The following CKAP2 variants were observed in gnomAD, a reference collection of about 807,000 sequenced individuals.
The protein encoded by CKAP2 is cytoskeleton-associated protein 2.
CKAP2 carries 46 observed loss-of-function variants against 58.4 expected under a neutral mutation model. The observed-to-expected ratio is 0.79, with a 90% CI of 0.62 to 1.01. The LOEUF is 1.01. Ranked by LOEUF, CKAP2 falls within the 50% of genes least tolerant of loss-of-function variation. CKAP2 has a pLI of 0.00. For synonymous variants in CKAP2, 293 were observed against 280.9 expected, an observed-to-expected ratio of 1.04 and a Z score of -0.43; for missense variants, 809 against 796.4, an observed-to-expected ratio of 1.02 and a Z score of -0.19.
intron 7 of CKAP2, among the ~76,000 whole-genome samples, chr13:52,471,251 A>G (rs537711429): frequency 6.6e-6 from 1 of 152,322 alleles, no homozygotes; most frequent in South Asian, 2.1e-4. Context: ...AAGATCTCTC[A>G]TAATTCTATT....
chr13:52,474,251 C>T (rs994015834), intron 8 of CKAP2, among the ~76,000 whole-genome samples, 167 bp downstream of exon 8: 3 of 151,982 alleles, frequency 2.0e-5, no homozygotes, highest in Non-Finnish European at 2.9e-5. Flanking sequence ...TTTGGGAGGC[C>T]GAAGCAGACA....
chr13:52,463,381 G>A (rs1437072600), intron 5 of CKAP2, among the ~76,000 whole-genome samples: 1 of 152,184 alleles, frequency 6.6e-6, no homozygotes, highest in Non-Finnish European at 1.5e-5. Context: ...GGACAGTCTG[G>A]TTGTTTGGCA....
rs1438819970 is a variant in CKAP2, at chr13:52,461,707, C to T, written c.881C>T (p.Thr294Ile). The change falls in exon 4 of 9, where the codon ACA becomes ATA. Residue 294 changes from threonine to isoleucine, a missense_variant. Thr to Ile is a moderately conservative substitution (Grantham distance 89). This residue lies in a region of CKAP2 where 523 missense variants were observed against 492.4 expected (regional missense o/e 1.06). Coordinates refer to ENST00000258607, the MANE Select transcript of CKAP2 (RefSeq NM_018204.5). ...PHEKELLQSK[T>I]ALSSVKTSSS... is the part of the protein sequence containing the mutation. ...GAAAAAGAACTATTACAATCAAAAA[C>T]AGCTTTATCTAGTGTCAAAACCAGT... 1 of 1,613,736 alleles carries T rather than the reference C, an allele frequency of 6.2e-7. No homozygotes were observed. The highest frequency in any genetic ancestry group is 8.5e-7 in the Non-Finnish European group (1 of 1,179,894).
chr13:52,458,434 T>G (rs768156342), intron 2 of CKAP2, among the ~76,000 whole-genome samples: 10 of 152,204 alleles, frequency 6.6e-5, no homozygotes, highest in Non-Finnish European at 1.3e-4. Flanking sequence ...ATAATATGGA[T>G]TCAGACAGTG....
intron 5 of CKAP2, among the ~76,000 whole-genome samples, 192 bp from the exon 6 acceptor site, chr13:52,465,103 A>C (rs909102048): frequency 2.6e-5 from 4 of 152,188 alleles, no homozygotes; most frequent in African/African-American, 9.6e-5. Context: ...GGAATCCCAC[A>C]ATATATATGA....
chr13:52,456,139 G>A (rs1958475978), intron 1 of CKAP2: 3 of 1,026,750 alleles, frequency 2.9e-6, no homozygotes, highest in Non-Finnish European at 3.5e-6. Flanking sequence ...TTCTACACAC[G>A]GGAAAGCAGA....
intron 6 of CKAP2, chr13:52,465,912 TATAC>T: frequency 3.0e-6 from 1 of 332,950 alleles, no homozygotes; most frequent in South Asian, 2.5e-5. Flanking sequence ...TATGTATATA[TATAC>T]ACACATATAT....
Position 52,462,245 on chromosome 13 carries a change from G to C in CKAP2, c.1101-118G>C, listed in dbSNP as rs1186168048. The C allele has an allele frequency of 6.0e-6, 5 of 827,784 alleles. No individual in the cohort carries two copies. In the African/African-American group the frequency reaches 8.7e-5, roughly 14 times the overall value. 51.3% of individuals were successfully genotyped at this position (827,784 alleles called of 1,614,324 possible). A position where few individuals can be genotyped will look rare whatever the true frequency, so the allele number is the denominator to read the frequency against. ...ATGTTTAATATTTCTTCAAGCTTGT[G>C]AACTATATATGCCATTAAAGTAAGA... is the stretch of plus-strand genomic sequence containing the variant. On this transcript the variant is annotated intron_variant, in intron 4 of 8. Coordinates refer to ENST00000258607, the MANE Select transcript of CKAP2 (RefSeq NM_018204.5).
At chr13:52,469,693 T>C (rs1311493479) in intron 7 of CKAP2, among the ~76,000 whole-genome samples, 1 of 149,360 alleles carries the variant, frequency 6.7e-6, no homozygotes, top group African/African-American at 2.5e-5. Flanking sequence ...GCCTCCCGGG[T>C]TCACGCCATT....
chr13:52,474,157 G>A, intron 8 of CKAP2, 73 bp downstream of exon 8: 1 of 1,410,338 alleles, frequency 7.1e-7, no homozygotes, highest in Non-Finnish European at 9.7e-7. Context: ...AAAAATCTTT[G>A]AGATAGCTTC....
At chr13:52,462,336 A>G (rs777076069) in intron 4 of CKAP2, 27 bp from the exon 5 acceptor site, 1 of 1,578,900 alleles carries the variant, frequency 6.3e-7, no homozygotes, top group Admixed American at 2.0e-5. Flanking sequence ...ATTTCAAAGT[A>G]ACGTTTATAT....
chr13:52,467,694 G>A (rs1345222552), intron 6 of CKAP2, among the ~76,000 whole-genome samples: 1 of 151,624 alleles, frequency 6.6e-6, no homozygotes, highest in Non-Finnish European at 1.5e-5. Context: ...GGCAATAGAG[G>A]GAGACTGTCT....
intron 1 of CKAP2, among the ~76,000 whole-genome samples, 170 bp from the exon 2 acceptor site, chr13:52,456,353 A>G (rs1388269668): frequency 6.6e-6 from 1 of 152,194 alleles, no homozygotes; most frequent in Non-Finnish European, 1.5e-5. Flanking sequence ...AGTCTCTTCT[A>G]AGGTGATTTC....
intron 2 of CKAP2, 56 bp downstream of exon 2, chr13:52,456,663 T>A: frequency 3.0e-6 from 4 of 1,340,966 alleles, no homozygotes; most frequent in South Asian, 2.5e-5. Flanking sequence ...ATCTGTCCAA[T>A]GAAAATGTAA....
At position 52,475,320 on chromosome 13, in the gene CKAP2, G is replaced by T; in HGVS notation, c.*179G>T. 1.4e-6 allele frequency: 1 copy of T among 737,010 alleles called. No individual in the cohort carries two copies. 45.7% of individuals were successfully genotyped at this position (737,010 alleles called of 1,614,324 possible). On this transcript the variant is annotated 3_prime_UTR_variant, in exon 9 of 9. Transcript: ENST00000258607. Reference sequence around the variant, plus strand: ...ATGGCAAGAGTTGTCCTCTACATTGGAAAGCTAATCCTACCTTGTCAGTTT... The same window carrying T: ...ATGGCAAGAGTTGTCCTCTACATTGTAAAGCTAATCCTACCTTGTCAGTTT...
At chr13:52,456,488 A>G (rs773044831) in intron 1 of CKAP2, 35 bp from the exon 2 acceptor site, 3 of 1,449,466 alleles carry the variant, frequency 2.1e-6, no homozygotes, top group South Asian at 2.4e-5. Flanking sequence ...TGTTTTAACT[A>G]ATATTGACTT....
rs183948660 is a variant in CKAP2, at chr13:52,464,576, A to C, written c.1306-719A>C. ...CTCAAAAAAAAAAAAAAAAAAAAACAATCCCATTCATCTAAGCCAACATCA... is the reference window on the plus strand; with the variant it reads ...CTCAAAAAAAAAAAAAAAAAAAAACCATCCCATTCATCTAAGCCAACATCA... On this transcript the variant is annotated intron_variant, in intron 5 of 8. Coordinates refer to ENST00000258607, the MANE Select transcript of CKAP2 (RefSeq NM_018204.5). Among the ~76,000 whole-genome samples, 807 of 144,134 alleles carry C rather than the reference A, an allele frequency of 5.6e-3. 7 individuals carry two copies. Among genetic ancestry groups the C allele is most frequent in the African/African-American group, 0.02 (780 of 39,156 alleles). The allele number at this position is 144,134 out of a possible 152,430, so 94.6% of individuals were successfully genotyped here. A position where few individuals can be genotyped will look rare whatever the true frequency, so the allele number is the denominator to read the frequency against.
intron 6 of CKAP2, chr13:52,465,920 C>T (rs1405624616): frequency 3.1e-6 from 1 of 323,116 alleles, no homozygotes; most frequent in South Asian, 2.7e-5. Context: ...TATATACACA[C>T]ATATATATAC....
chr13:52,472,199 T>C (rs1566105172), intron 7 of CKAP2, among the ~76,000 whole-genome samples: 1 of 152,138 alleles, frequency 6.6e-6, no homozygotes, highest in Non-Finnish European at 1.5e-5. Context: ...TGTTTTGTGC[T>C]CCCTGTTTTT....
Sources: gnomAD v4.1 joint callset for allele counts (sites outside exome capture counted in the v4.1 genomes callset) on GRCh38, gnomAD v4.1.1 for gene constraint, gnomAD v4.1.1 regional missense constraint, MANE v1.5 for transcripts, NCBI Gene and HGNC (gene_info 2026-07-23, HGNC 2026-07-21) for gene names.